The following NCAM1 variants were observed in gnomAD, a reference collection of about 807,000 sequenced individuals.
NCAM1 encodes the protein antigen recognized by monoclonal antibody 5.1H11.
Under a neutral mutation model 109.8 loss-of-function variants are expected in NCAM1, and 14 were observed. The ratio of observed to expected loss-of-function variants is 0.13; its 90% CI spans 0.08 to 0.20. NCAM1 has a LOEUF of 0.20. NCAM1 is among the 10% of genes least tolerant of loss of function. The pLI, the probability that NCAM1 is intolerant of heterozygous loss-of-function variation, is 1.00. For missense variants in NCAM1, 774 were observed against 1,109.9 expected (o/e 0.70, Z 4.30); for synonymous variants, 418 against 442.9 (o/e 0.94, Z 0.70).
At chr11:113,092,133 T>C (rs915633997) in intron 1 of NCAM1, among the ~76,000 whole-genome samples, 3 of 152,188 alleles carry the variant, frequency 2.0e-5, no homozygotes, top group Non-Finnish European at 4.4e-5. Flanking sequence ...AGCTTTTAGC[T>C]TGCTGTGGAC....
At chr11:112,997,477 T>G (rs1555071619) in intron 1 of NCAM1, among the ~76,000 whole-genome samples, 1 of 152,218 alleles carries the variant, frequency 6.6e-6, no homozygotes, top group African/African-American at 2.4e-5. Flanking sequence ...TTGGTAAAAC[T>G]GCTCTGGGGA....
chr11:113,183,289 C>A (rs1943389356), intron 1 of NCAM1, among the ~76,000 whole-genome samples: 1 of 152,170 alleles, frequency 6.6e-6, no homozygotes, highest in African/African-American at 2.4e-5. Context: ...AAACCAGAAT[C>A]CGGATGCCCT....
intron 1 of NCAM1, among the ~76,000 whole-genome samples, chr11:113,144,856 T>G (rs1368511502): frequency 6.6e-6 from 1 of 152,190 alleles, no homozygotes; most frequent in Non-Finnish European, 1.5e-5. Context: ...TGTTGAGAAA[T>G]GTTAATGATC....
chr11:113,075,046 C>T (rs1938467306), intron 1 of NCAM1, among the ~76,000 whole-genome samples: 2 of 152,102 alleles, frequency 1.3e-5, no homozygotes, highest in South Asian at 4.2e-4. Context: ...TGAGTTTCTG[C>T]CCCGCTCTGT....
rs192175315 is a variant in NCAM1, at chr11:113,101,264, G to A, written c.53-101115G>A. On this transcript the variant is annotated intron_variant, in intron 1 of 19. Transcript: ENST00000316851. Reference sequence around the variant, plus strand: ...TCCTATGGCCTCCACTATTGTGGCAGTGCCAGGAAATTTTAATAATTATTA... The same window carrying A: ...TCCTATGGCCTCCACTATTGTGGCAATGCCAGGAAATTTTAATAATTATTA... Among the ~76,000 whole-genome samples, 5 of 152,226 alleles carry A rather than the reference G, an allele frequency of 3.3e-5. No homozygotes were observed. In the East Asian group the frequency reaches 9.7e-4, roughly 29 times the overall value.
At chr11:112,993,779 C>T (rs1019060546) in intron 1 of NCAM1, among the ~76,000 whole-genome samples, 7 of 152,134 alleles carry the variant, frequency 4.6e-5, no homozygotes, top group Admixed American at 3.9e-4. Flanking sequence ...AAGTGGTATA[C>T]GATTATTGTA....
At chr11:113,132,603 CATGTGTGTGT>C (rs1390532508) in intron 1 of NCAM1, among the ~76,000 whole-genome samples, 34 of 108,664 alleles carry the variant, frequency 3.1e-4, no homozygotes, top group African/African-American at 1.3e-3. Flanking sequence ...TATTAGGAAG[CATGTGTGTGT>C]GTGTGTGTGT....
At chr11:113,217,872 A>G (rs990333257) in intron 8 of NCAM1, among the ~76,000 whole-genome samples, 4 of 152,208 alleles carry the variant, frequency 2.6e-5, no homozygotes, top group Admixed American at 6.5e-5. Flanking sequence ...CAAGAAACTT[A>G]TCATCTCTAG....
chr11:113,128,844 C>G (rs563461203), intron 1 of NCAM1, among the ~76,000 whole-genome samples: 1 of 151,398 alleles, frequency 6.6e-6, no homozygotes, highest in South Asian at 2.1e-4. Context: ...CTGGGGACAG[C>G]TGGAATTATT....
rs1555113045 is a variant in NCAM1 at position 113,207,352 on chromosome 11, C to T, written c.720C>T (p.Phe240=). 6.2e-7 allele frequency: 1 copy of T among 1,614,004 alleles called. No individual in the cohort carries two copies. Among genetic ancestry groups the T allele is most frequent in the East Asian group, 2.2e-5 (1 of 44,886 alleles). Residue 240 remains phenylalanine (F), a synonymous_variant, in exon 6 of 20, where the codon TTC becomes TTT. Coordinates refer to ENST00000316851, the MANE Select transcript of NCAM1 (RefSeq NM_181351.5). ...SVTLVCDAEG[F]PEPTMSWTKD... ...CCCTGGTGTGCGATGCCGAAGGCTT[C>T]CCAGAGCCCACCATGAGCTGGACAA...
At chr11:113,271,548 C>T (rs1161091465) in intron 18 of NCAM1, among the ~76,000 whole-genome samples, 2 of 152,012 alleles carry the variant, frequency 1.3e-5, no homozygotes, top group Admixed American at 1.3e-4. Flanking sequence ...GTGTTTTTGC[C>T]TCATTTTACA....
At chr11:113,150,614 G>A (rs1245478096) in intron 1 of NCAM1, among the ~76,000 whole-genome samples, 1 of 152,158 alleles carries the variant, frequency 6.6e-6, no homozygotes, top group Non-Finnish European at 1.5e-5. Context: ...TAACTCATTT[G>A]GGGAGGCAAG....
At chr11:113,179,725 T>C (rs1289585475) in intron 1 of NCAM1, among the ~76,000 whole-genome samples, 2 of 152,226 alleles carry the variant, frequency 1.3e-5, no homozygotes, top group African/African-American at 4.8e-5. Context: ...TGGAAAGCAT[T>C]TCCAGCAAAC....
In NCAM1 at chr11:113,233,828, AGACT is replaced by A. The variant is rs563703799; in HGVS notation, c.1693+515_1693+518del. Among the ~76,000 whole-genome samples, 7 of 152,356 alleles carry A rather than the reference AGACT, an allele frequency of 4.6e-5. No homozygotes were observed. In the South Asian group the frequency reaches 1.4e-3, roughly 32 times the overall value. On this transcript the variant is annotated intron_variant, in intron 13 of 19. Transcript: ENST00000316851. This position sits in a 1 kb window ranked among gnomAD's most constrained non-coding sequence, Gnocchi z 4.5. ...CTAGCTTTCCAAGCTAAAGATTAAA[AGACT>A]GACCCTTGGATTACTGCAGTGTGAA... is the stretch of plus-strand genomic sequence containing the variant.
chr11:113,236,193 C>G, intron 14 of NCAM1: 1 of 1,140,806 alleles, frequency 8.8e-7, no homozygotes, highest in Non-Finnish European at 1.3e-6. Context: ...GTTTCCAGCT[C>G]CATGTGCTCT....
At chr11:112,986,554 A>T (rs1279851059) in intron 1 of NCAM1, among the ~76,000 whole-genome samples, 5 of 151,928 alleles carry the variant, frequency 3.3e-5, no homozygotes, top group Non-Finnish European at 7.4e-5. Context: ...CTTTTCTTTG[A>T]TAGGAGATCT....
chr11:113,170,216 T>C (rs1001941921), intron 1 of NCAM1, among the ~76,000 whole-genome samples: 2 of 152,194 alleles, frequency 1.3e-5, no homozygotes, highest in Non-Finnish European at 2.9e-5. Flanking sequence ...CAGCACTCCA[T>C]GGCTAATAGA....
intron 1 of NCAM1, among the ~76,000 whole-genome samples, chr11:112,974,380 A>G (rs1409769382): frequency 3.3e-5 from 5 of 151,878 alleles, no homozygotes; most frequent in African/African-American, 1.2e-4. Context: ...CTGGCTGCCT[A>G]TTAGTAAAGA....
At chr11:113,270,560 C>G (rs1017481402) in intron 18 of NCAM1, 165 bp downstream of exon 18, 2 of 668,310 alleles carry the variant, frequency 3.0e-6, no homozygotes, top group Non-Finnish European at 5.1e-6. Flanking sequence ...TTTCTCAAAG[C>G]ATGGTCTTTG....
Sources: allele counts gnomAD v4.1 joint callset (sites outside exome capture counted in the v4.1 genomes callset), GRCh38; gene constraint gnomAD v4.1.1; non-coding constraint Gnocchi (gnomAD v3.1); transcripts MANE v1.5; gene names NCBI Gene and HGNC (gene_info 2026-07-23, HGNC 2026-07-21).